PCDHGA12: variants seen among roughly 807,000 people sequenced by gnomAD.
The protein encoded by PCDHGA12 is protocadherin gamma subfamily A, 12, also known as protocadherin gamma-A12.
Under a neutral mutation model 61.1 loss-of-function variants are expected in PCDHGA12, and 43 were observed. That is an observed-to-expected ratio of 0.70 (90% CI 0.55 to 0.91). The LOEUF (loss-of-function observed/expected upper bound fraction) is 0.91. Ranked by LOEUF, PCDHGA12 falls within the 40% of genes least tolerant of loss-of-function variation. The pLI is 0.00. For synonymous variants in PCDHGA12, 520 were observed against 542.9 expected (o/e 0.96, Z 0.59); for missense variants, 1,236 against 1,227.7 (o/e 1.01, Z -0.10).
Position 141,490,509 on chromosome 5 carries a change from G to A in PCDHGA12, c.2425-4298G>A. 6.2e-7 allele frequency: 1 copy of A among 1,614,072 alleles called. No individual in the cohort carries two copies. On this transcript the variant is annotated intron_variant, in intron 1 of 3. Transcript: ENST00000252085. The surrounding 1 kb of genome is among the most constrained non-coding windows in gnomAD (Gnocchi z 5.4). ...AGGCCACATCCCACTATATCATCGA[G>A]CTGCTGGCCAGCGATGCTGGTTCAC...
Position 141,511,319 on chromosome 5 carries a change from C to A in PCDHGA12, c.*146C>A. On this transcript the variant is annotated 3_prime_UTR_variant, in exon 4 of 4. Coordinates refer to ENST00000252085, the MANE Select transcript of PCDHGA12 (RefSeq NM_003735.3). ...CCATGCTCCCCTTGGGAAACAGAAA[C>A]AAGTGCCCAGTCAGCACCTACCCCT... is the stretch of plus-strand genomic sequence containing the variant. 6.8e-7 allele frequency: 1 copy of A among 1,477,420 alleles called. No homozygotes were observed. The highest frequency in any genetic ancestry group is 9.0e-7 in the Non-Finnish European group (1 of 1,108,340). 91.5% of individuals were successfully genotyped at this position (1,477,420 alleles called of 1,614,324 possible).
chr5:141,436,383 G>A (rs1374382672), intron 1 of PCDHGA12, among the ~76,000 whole-genome samples: 1 of 152,104 alleles, frequency 6.6e-6, no homozygotes, highest in Admixed American at 6.5e-5. Flanking sequence ...AGCTGAATAG[G>A]CTTTATTAAA....
At chr5:141,509,354 A>G (rs1229726913) in intron 3 of PCDHGA12, among the ~76,000 whole-genome samples, 2 of 152,144 alleles carry the variant, frequency 1.3e-5, no homozygotes, top group Non-Finnish European at 2.9e-5. Context: ...TGGCCTGGGC[A>G]TCCCTGAGGT....
chr5:141,484,277 G>T (rs1026083889), intron 1 of PCDHGA12, among the ~76,000 whole-genome samples: 1 of 152,126 alleles, frequency 6.6e-6, no homozygotes, highest in South Asian at 2.1e-4. Context: ...TTACTGTTTT[G>T]AAACATCTCC....
intron 1 of PCDHGA12, among the ~76,000 whole-genome samples, chr5:141,481,065 A>AAAAG (rs1476331686): frequency 6.6e-6 from 1 of 152,164 alleles, no homozygotes; most frequent in African/African-American, 2.4e-5. Context: ...CTCAAAAACA[A>AAAAG]AAAGAAAGAA....
Position 141,511,156 on chromosome 5 carries a change from A to G in PCDHGA12, c.2782A>G (p.Lys928Glu), listed in dbSNP as rs2099883637. 6.2e-7 allele frequency: 1 copy of G among 1,614,080 alleles called. No individual in the cohort carries two copies. The highest frequency in any genetic ancestry group is 1.3e-5 in the African/African-American group (1 of 74,940). Residue 928 changes from lysine (K) to glutamate (E), a missense_variant, in exon 4 of 4, where the codon AAG (lysine) becomes GAG (glutamate). By Grantham distance (56) the Lys-to-Glu change is moderately conservative (BLOSUM62 1). Transcript: ENST00000252085. ...CAATGGCAACAAGAAGAAGTCGGGC[A>G]AGAAGGAGAAGAAGTAACATGGAGG... is the stretch of plus-strand genomic sequence containing the variant. ...GGNGNKKKSG[K>E]KEKK
chr5:141,450,310 G>A (rs1364358879), intron 1 of PCDHGA12, among the ~76,000 whole-genome samples: 1 of 151,966 alleles, frequency 6.6e-6, no homozygotes, highest in Non-Finnish European at 1.5e-5. Context: ...ACCATGTGTG[G>A]CCTAGTTGCC....
chr5:141,492,384 C>G (rs1001189412), intron 1 of PCDHGA12, among the ~76,000 whole-genome samples: 1 of 152,230 alleles, frequency 6.6e-6, no homozygotes, highest in Non-Finnish European at 1.5e-5. Context: ...AGGCCTGTTC[C>G]GGTCCACTCG....
chr5:141,476,556 C>G lies in PCDHGA12; in HGVS notation c.2425-18251C>G. On this transcript the variant is annotated intron_variant, in intron 1 of 3. Transcript: ENST00000252085. This position sits in a 1 kb window ranked among gnomAD's most constrained non-coding sequence, Gnocchi z 7.6. ...GAAATGAAATTGGAGATTAGCGAGG[C>G]CGTGGCTCCGGGGACGCGCTTTCCG... The G allele has an allele frequency of 6.2e-7, 1 of 1,614,234 alleles. No homozygotes were observed. The highest frequency in any genetic ancestry group is 8.5e-7 in the Non-Finnish European group (1 of 1,180,036).
At chr5:141,455,449 G>A (rs1421095381) in intron 1 of PCDHGA12, among the ~76,000 whole-genome samples, 1 of 152,126 alleles carries the variant, frequency 6.6e-6, no homozygotes, top group Non-Finnish European at 1.5e-5. Flanking sequence ...CATCTACCGC[G>A]GATACCAGCC....
chr5:141,477,656 C>A lies in PCDHGA12; in HGVS notation c.2425-17151C>A. ...AGTGGGTCGCTATTTCACAATAAAT[C>A]GTGACAATGGCATAGTGTCATCCTT... On this transcript the variant is annotated intron_variant, in intron 1 of 3. Transcript: ENST00000252085. The surrounding 1 kb of genome is among the most constrained non-coding windows in gnomAD (Gnocchi z 4.9). 1 of 1,614,184 alleles carries A rather than the reference C, an allele frequency of 6.2e-7. No homozygotes were observed.
intron 1 of PCDHGA12, among the ~76,000 whole-genome samples, chr5:141,458,079 C>G (rs1016889225): frequency 6.6e-6 from 1 of 152,186 alleles, no homozygotes; most frequent in Non-Finnish European, 1.5e-5. Context: ...AACTATATTG[C>G]CGTAAGTTAA....
chr5:141,450,450 C>T (rs964666176), intron 1 of PCDHGA12, among the ~76,000 whole-genome samples: 5 of 151,996 alleles, frequency 3.3e-5, no homozygotes, highest in African/African-American at 9.7e-5. Context: ...TTTTATGTTT[C>T]CTCGTGATTT....
chr5:141,509,132 G>A (rs1261849657), intron 3 of PCDHGA12, among the ~76,000 whole-genome samples: 1 of 152,150 alleles, frequency 6.6e-6, no homozygotes, highest in Admixed American at 6.5e-5. Flanking sequence ...GAGAAAAACC[G>A]AGGCGCATCC....
chr5:141,460,507 G>A (rs2098991001), intron 1 of PCDHGA12, among the ~76,000 whole-genome samples: 1 of 152,036 alleles, frequency 6.6e-6, no homozygotes. Context: ...ATGCTGAGAA[G>A]GCTATCTTTT....
Position 141,487,856 on chromosome 5 carries a change from T to C in PCDHGA12, c.2425-6951T>C. The C allele has an allele frequency of 2.0e-6, 2 of 977,364 alleles. No homozygotes were observed. The highest frequency in any genetic ancestry group is 3.0e-6 in the Non-Finnish European group (2 of 671,858). 60.5% of individuals were successfully genotyped at this position (977,364 alleles called of 1,614,324 possible). A position where few individuals can be genotyped will look rare whatever the true frequency, so the allele number is the denominator to read the frequency against. Reference sequence around the variant, plus strand: ...ATATCTGAGTAAGAAATGAAAGTAATTGGTGATCAAGAGCCAGGCTGTTGT... The same window carrying C: ...ATATCTGAGTAAGAAATGAAAGTAACTGGTGATCAAGAGCCAGGCTGTTGT... On this transcript the variant is annotated intron_variant, in intron 1 of 3. Transcript: ENST00000252085. The surrounding 1 kb of genome is among the most constrained non-coding windows in gnomAD (Gnocchi z 5.0).
At position 141,431,392 on chromosome 5, in the gene PCDHGA12, C is replaced by T. The variant is rs572129534; in HGVS notation, c.633C>T (p.Val211=). 3 of 1,613,888 alleles carry T rather than the reference C, an allele frequency of 1.9e-6. No homozygotes were observed. Among genetic ancestry groups the T allele is most frequent in the Non-Finnish European group, 2.5e-6 (3 of 1,180,048 alleles). Residue 211 remains valine, a synonymous_variant, in exon 1 of 4, where the codon GTC becomes GTT. Transcript: ENST00000252085. The surrounding 1 kb of genome is among the most constrained non-coding windows in gnomAD (Gnocchi z 4.8). ...DREEKAAHHL[V]LTASDGGDPV... ...AAGAAAAGGCTGCTCACCACCTGGT[C>T]CTTACGGCCTCCGACGGGGGCGACC... is the stretch of plus-strand genomic sequence containing the variant.
Position 141,489,968 on chromosome 5 carries a change from A to G in PCDHGA12, c.2425-4839A>G. 6.2e-7 allele frequency: 1 copy of G among 1,614,146 alleles called. No homozygotes were observed. The highest frequency in any genetic ancestry group is 2.2e-5 in the East Asian group (1 of 44,880). On this transcript the variant is annotated intron_variant, in intron 1 of 3. Coordinates refer to ENST00000252085, the MANE Select transcript of PCDHGA12 (RefSeq NM_003735.3). This position sits in a 1 kb window ranked among gnomAD's most constrained non-coding sequence, Gnocchi z 4.5. Reference sequence around the variant, plus strand: ...ATCAATGATAATGCTCCAACCTTCCAATCCTCAGTTCTACGTGTGGGAATC... The same window carrying G: ...ATCAATGATAATGCTCCAACCTTCCGATCCTCAGTTCTACGTGTGGGAATC...
intron 1 of PCDHGA12, among the ~76,000 whole-genome samples, chr5:141,484,535 A>G (rs2099597486): frequency 6.6e-6 from 1 of 152,178 alleles, no homozygotes. Flanking sequence ...AGTATATGGC[A>G]GTGGTTCTAA....
Sources: allele counts gnomAD v4.1 joint callset (sites outside exome capture counted in the v4.1 genomes callset), GRCh38; gene constraint gnomAD v4.1.1; non-coding constraint Gnocchi (gnomAD v3.1); transcripts MANE v1.5; gene names NCBI Gene and HGNC (gene_info 2026-07-23, HGNC 2026-07-21).